RHBDD1: variants seen among roughly 807,000 people sequenced by gnomAD.
RHBDD1 encodes rhomboid-related protein 4.
RHBDD1 carries 38 observed loss-of-function variants against 36.3 expected under a neutral mutation model. The ratio of observed to expected loss-of-function variants is 1.05; its 90% CI spans 0.81 to 1.37. RHBDD1 has a LOEUF of 1.37. RHBDD1 is among the 40% of genes most tolerant of loss of function. RHBDD1 has a pLI of 0.00. For missense variants in RHBDD1, 393 were observed against 377.6 expected, an observed-to-expected ratio of 1.04 and a Z score of -0.34; for synonymous variants, 151 against 136.5, an observed-to-expected ratio of 1.11 and a Z score of -0.74.
chr2:226,825,788 A>T, the RHBDD1 span, among the ~76,000 whole-genome samples: 8 of 152,372 alleles, frequency 5.3e-5, no homozygotes, highest in East Asian at 1.5e-3. Flanking sequence ...CCCTTTGCCC[A>T]CTAGCTACAT....
At chr2:226,847,161 C>A (rs1016126542) in intron 3 of RHBDD1, among the ~76,000 whole-genome samples, 1 of 152,206 alleles carries the variant, frequency 6.6e-6, no homozygotes, top group Non-Finnish European at 1.5e-5. Flanking sequence ...GAAATTTGCA[C>A]TTCTGCTCAA....
At chr2:226,875,029 G>C (rs1401533897) in intron 5 of RHBDD1, among the ~76,000 whole-genome samples, 1 of 152,126 alleles carries the variant, frequency 6.6e-6, no homozygotes, top group Non-Finnish European at 1.5e-5. Context: ...CTTTGCTTCT[G>C]TAGTGTTTGT....
chr2:226,909,956 T>C (rs1203782815), intron 7 of RHBDD1, among the ~76,000 whole-genome samples: 1 of 152,226 alleles, frequency 6.6e-6, no homozygotes, highest in Non-Finnish European at 1.5e-5. Context: ...CATCAAGGGC[T>C]TTATTGGCCA....
chr2:226,819,978 T>TG, the RHBDD1 span, among the ~76,000 whole-genome samples: 765 of 2,858 alleles, frequency 0.27, 3 homozygotes, highest in African/African-American at 0.3. Context: ...ATTGTGTGTG[T>TG]TTTTTTTTTT....
chr2:226,817,682 T>C, the RHBDD1 span, among the ~76,000 whole-genome samples: 1 of 152,176 alleles, frequency 6.6e-6, no homozygotes, highest in East Asian at 1.9e-4. Context: ...ATAGGGAAGA[T>C]AATAGAAGTT....
chr2:226,820,659 A>G, the RHBDD1 span, among the ~76,000 whole-genome samples: 29 of 151,040 alleles, frequency 1.9e-4, no homozygotes, highest in East Asian at 1.9e-4. Flanking sequence ...AAAAAAAAAA[A>G]AAAAAAAAAA....
the RHBDD1 span, among the ~76,000 whole-genome samples, chr2:226,815,036 T>G: frequency 6.6e-6 from 1 of 152,228 alleles, no homozygotes; most frequent in Admixed American, 6.5e-5. Context: ...TATCAGGAGC[T>G]GGAGCTGCCT....
intron 5 of RHBDD1, 61 bp downstream of exon 5, chr2:226,867,379 T>G (rs1218034463): frequency 6.5e-7 from 1 of 1,533,992 alleles, no homozygotes; most frequent in Non-Finnish European, 8.8e-7. Context: ...AGAAAAAAAT[T>G]GCAATAATAA....
At chr2:226,889,194 T>G (rs1946481825) in intron 5 of RHBDD1, among the ~76,000 whole-genome samples, 1 of 152,214 alleles carries the variant, frequency 6.6e-6, no homozygotes, top group Non-Finnish European at 1.5e-5. Context: ...TGGACTGACT[T>G]GTTCTGCTTA....
chr2:226,867,129 T>C, intron 4 of RHBDD1, 57 bp from the exon 5 acceptor site: 2 of 1,482,088 alleles, frequency 1.3e-6, no homozygotes, highest in East Asian at 2.3e-5. Flanking sequence ...TCTTTGTAAA[T>C]GTTGATACTC....
At chr2:226,939,739 A>G (rs1950549820) in intron 8 of RHBDD1, among the ~76,000 whole-genome samples, 1 of 152,226 alleles carries the variant, frequency 6.6e-6, no homozygotes, top group Non-Finnish European at 1.5e-5. Context: ...TACCATTGAC[A>G]TTTCTCACAG....
intron 3 of RHBDD1, among the ~76,000 whole-genome samples, chr2:226,849,333 T>G (rs1465924906): frequency 6.6e-6 from 1 of 152,232 alleles, no homozygotes; most frequent in Non-Finnish European, 1.5e-5. Context: ...GACATCCTAC[T>G]GGCACCGGTG....
chr2:226,866,960 T>C lies in RHBDD1; in HGVS notation c.434-226T>C, dbSNP rs184894292. 5.9e-5 allele frequency among the ~76,000 whole-genome samples: 9 copies of C among 152,348 alleles called. No homozygotes were observed. The East Asian group carries it at 1.7e-3, about 29-fold the overall frequency. ...GGTAGGTATTATGTATTTAGTAGCA[T>C]ACTGAACACCAATATGAACTTCTAT... On this transcript the variant is annotated intron_variant, in intron 4 of 8. Coordinates refer to ENST00000392062, the MANE Select transcript of RHBDD1 (RefSeq NM_001167608.3).
rs563399831 is a variant in RHBDD1, at chr2:226,991,423, G to A, written c.857-4008G>A. ...TCTCAATCTCCTGACCTCGTGAACC[G>A]CCCGCCTCAGCCTCCCAAAGTGCTG... is the stretch of plus-strand genomic sequence containing the variant. On this transcript the variant is annotated intron_variant, in intron 8 of 8. Transcript: ENST00000392062. 9.6e-4 allele frequency among the ~76,000 whole-genome samples: 146 copies of A among 152,140 alleles called. 1 individual carries two copies. Among genetic ancestry groups the A allele is most frequent in the Non-Finnish European group, 1.8e-3 (125 of 67,984 alleles).
chr2:226,835,764 T>C (rs1940888275), upstream of RHBDD1: 1 of 152,288 alleles, frequency 6.6e-6, no homozygotes, highest in East Asian at 1.9e-4. Flanking sequence ...CCAGTGGCTA[T>C]TTATGGCAGT....
At chr2:226,921,705 A>G (rs1949326552) in intron 8 of RHBDD1, among the ~76,000 whole-genome samples, 1 of 152,164 alleles carries the variant, frequency 6.6e-6, no homozygotes, top group South Asian at 2.1e-4. Context: ...GATACTTGAT[A>G]TAATTTCAGT....
chr2:226,983,217 G>T (rs1359890727), intron 8 of RHBDD1, among the ~76,000 whole-genome samples: 2 of 152,096 alleles, frequency 1.3e-5, no homozygotes, highest in Non-Finnish European at 2.9e-5. Context: ...AACAGACATT[G>T]ATCTGGAATC....
At chr2:226,922,074 C>T (rs947804916) in intron 8 of RHBDD1, among the ~76,000 whole-genome samples, 12 of 151,848 alleles carry the variant, frequency 7.9e-5, no homozygotes, top group South Asian at 4.2e-4. Context: ...TTGACTGACC[C>T]CTTTATCATA....
At chr2:226,816,385 A>AG in the RHBDD1 span, among the ~76,000 whole-genome samples, 1 of 151,358 alleles carries the variant, frequency 6.6e-6, no homozygotes, top group East Asian at 1.9e-4. Context: ...CAAAAAAAAA[A>AG]AAAAAAAAAA....
Sources: allele counts gnomAD v4.1 joint callset (sites outside exome capture counted in the v4.1 genomes callset), GRCh38; gene constraint gnomAD v4.1.1; transcripts MANE v1.5; gene names NCBI Gene and HGNC (gene_info 2026-07-23, HGNC 2026-07-21).